Variants in B4GALT6 observed in about 807,000 individuals in gnomAD.
B4GALT6 encodes the protein beta-1,4-galactosyltransferase 6, also known as UDP-Gal:beta-GlcNAc beta-1,4-galactosyltransferase 6.
A neutral mutation model predicts 46.3 loss-of-function variants in B4GALT6; 14 were observed. The ratio of observed to expected loss-of-function variants is 0.30; its 90% confidence interval spans 0.20 to 0.47. B4GALT6 has a LOEUF of 0.47. B4GALT6 is among the 20% of genes least tolerant of loss of function. The pLI is 0.99. For synonymous variants in B4GALT6, 168 were observed against 162.0 expected (o/e 1.04, Z -0.28); for missense variants, 386 against 480.1 (o/e 0.80, Z 1.83).
At chr18:31,667,626 C>A (rs1207777426) in intron 1 of B4GALT6, among the ~76,000 whole-genome samples, 1 of 152,130 alleles carries the variant, frequency 6.6e-6, no homozygotes, top group Non-Finnish European at 1.5e-5. Flanking sequence ...TAAAACTTTT[C>A]TTTCACCTCC....
At position 31,625,661 on chromosome 18, in the gene B4GALT6, T is replaced by G. The variant is rs371220404; in HGVS notation, c.1102A>C (p.Ile368Leu). 68 of 1,613,596 alleles carry G rather than the reference T, an allele frequency of 4.2e-5. No homozygotes were observed. Among genetic ancestry groups the G allele is most frequent in the Non-Finnish European group, 5.6e-5 (66 of 1,179,820 alleles). ...AACTCTGGCATGAGGTTTACAGATA[T>G]GTTTGTATACAACCTATCAACCAGT... ...KILVDRLYTNISVNLMPELAP... is the reference protein window; with the variant it reads ...KILVDRLYTNLSVNLMPELAP... The change falls in exon 9 of 9, where the codon ATA becomes CTA. Residue 368 changes from isoleucine (I) to leucine (L), a missense_variant. Physicochemically the swap from Ile to Leu is conservative, Grantham distance 5. Around this residue, in one of 2 missense-constraint regions of B4GALT6, gnomAD observed 323 missense variants for 438.9 expected, o/e 0.74. Coordinates refer to ENST00000306851, the MANE Select transcript of B4GALT6 (RefSeq NM_004775.5).
chr18:31,718,017 A>G, the B4GALT6 span, among the ~76,000 whole-genome samples: 1 of 152,174 alleles, frequency 6.6e-6, no homozygotes, highest in Admixed American at 6.5e-5. Flanking sequence ...GGAGTCATGC[A>G]TAAATAAAGC....
intron 2 of B4GALT6, among the ~76,000 whole-genome samples, chr18:31,664,133 T>G (rs2074253941): frequency 6.8e-6 from 1 of 146,374 alleles, no homozygotes; most frequent in South Asian, 2.2e-4. Context: ...TGTTCTCGCT[T>G]TCCTCCTTCC....
rs536952429 is a variant in B4GALT6, at chr18:31,646,018, A to T, written c.347-539T>A. Among the ~76,000 whole-genome samples, 57 of 152,318 alleles carry T rather than the reference A, an allele frequency of 3.7e-4. 1 individual carries two copies. The South Asian group carries it at 0.011, about 29-fold the overall frequency. ...GATGTCTGCCTCCCAAGGTGGTTGTATCCATTCCAAGAAATCATCTGTGTG... is the reference window on the plus strand; with the variant it reads ...GATGTCTGCCTCCCAAGGTGGTTGTTTCCATTCCAAGAAATCATCTGTGTG... On this transcript the variant is annotated intron_variant, in intron 3 of 8. Transcript: ENST00000306851.
Position 31,666,256 on chromosome 18 carries a change from C to A in B4GALT6, c.232G>T (p.Asp78Tyr). 1.3e-6 allele frequency: 2 copies of A among 1,560,336 alleles called. No homozygotes were observed. Among genetic ancestry groups the A allele is most frequent in the Non-Finnish European group, 1.8e-6 (2 of 1,140,860 alleles). ...TNKNSTLNGT[D>Y]YPEGNNSSDY... is the part of the protein sequence containing the mutation. ...GGGGTTAAGCAGGAAGTAGTCTTACCTGTACCGTTGAGCGTACTGTTTTTA... is the reference window on the plus strand; with the variant it reads ...GGGGTTAAGCAGGAAGTAGTCTTACATGTACCGTTGAGCGTACTGTTTTTA... Residue 78 changes from aspartate to tyrosine, a missense_variant and splice_region_variant, in exon 2 of 9, where the codon GAT (aspartate) becomes TAT (tyrosine). Physicochemically the swap from Asp to Tyr is radical, Grantham distance 160 (BLOSUM62 -3). Coordinates refer to ENST00000306851, the MANE Select transcript of B4GALT6 (RefSeq NM_004775.5).
At chr18:31,677,135 A>G (rs1010637846) in intron 1 of B4GALT6, among the ~76,000 whole-genome samples, 4 of 152,254 alleles carry the variant, frequency 2.6e-5, no homozygotes, top group Non-Finnish European at 5.9e-5. Context: ...ATTAAACATA[A>G]AAACAAAGAT....
At chr18:31,631,832 C>T (rs1337529303) in intron 5 of B4GALT6, among the ~76,000 whole-genome samples, 1 of 152,000 alleles carries the variant, frequency 6.6e-6, no homozygotes, top group Non-Finnish European at 1.5e-5. Context: ...TACACAAAGC[C>T]CAACTTCCTT....
the B4GALT6 span, among the ~76,000 whole-genome samples, chr18:31,692,548 T>C: frequency 2.6e-5 from 1 of 37,764 alleles, no homozygotes; most frequent in Non-Finnish European, 7.5e-5. Flanking sequence ...ATTTCTGATA[T>C]TAAAACTTCA....
chr18:31,695,187 C>G, the B4GALT6 span, among the ~76,000 whole-genome samples: 1 of 151,212 alleles, frequency 6.6e-6, no homozygotes, highest in Non-Finnish European at 1.5e-5. Context: ...AAGTATTACA[C>G]GGGTAGCAGG....
At chr18:31,676,969 T>C (rs2074422014) in intron 1 of B4GALT6, among the ~76,000 whole-genome samples, 1 of 152,222 alleles carries the variant, frequency 6.6e-6, no homozygotes, top group African/African-American at 2.4e-5. Flanking sequence ...AGACCCTTCC[T>C]TCCAAATCAG....
At chr18:31,646,601 C>T (rs1275830222) in intron 3 of B4GALT6, among the ~76,000 whole-genome samples, 1 of 152,240 alleles carries the variant, frequency 6.6e-6, no homozygotes, top group Non-Finnish European at 1.5e-5. Context: ...CTGACCTCAT[C>T]TCATAAAATA....
At chr18:31,669,188 G>T (rs943842291) in intron 1 of B4GALT6, among the ~76,000 whole-genome samples, 5 of 152,112 alleles carry the variant, frequency 3.3e-5, no homozygotes, top group African/African-American at 1.2e-4. Context: ...GAGATTCAAA[G>T]TTTCATTGAG....
the B4GALT6 span, among the ~76,000 whole-genome samples, chr18:31,693,294 C>A: frequency 1.3e-5 from 2 of 152,104 alleles, no homozygotes; most frequent in Non-Finnish European, 2.9e-5. Context: ...CTTGTGTACA[C>A]CAGTACACAA....
chr18:31,626,452 A>AT, intron 7 of B4GALT6, 68 bp from the exon 8 acceptor site: 2 of 857,472 alleles, frequency 2.3e-6, no homozygotes, highest in South Asian at 3.9e-5. Context: ...TGTGAGTTCA[A>AT]TTTTAAAACA....
the B4GALT6 span, among the ~76,000 whole-genome samples, chr18:31,706,040 C>G: frequency 6.6e-6 from 1 of 152,104 alleles, no homozygotes; most frequent in East Asian, 1.9e-4. Context: ...TATATTTAGA[C>G]AGGTAGTTAT....
the B4GALT6 span, among the ~76,000 whole-genome samples, chr18:31,691,062 C>T: frequency 2.0e-5 from 3 of 151,768 alleles, no homozygotes; most frequent in Non-Finnish European, 2.9e-5. Context: ...ACCTAGATGA[C>T]GGGTTGATAG....
At chr18:31,724,348 G>C in the B4GALT6 span, 1 of 875,698 alleles carries the variant, frequency 1.1e-6, no homozygotes, top group East Asian at 7.0e-5. Flanking sequence ...TTAGCCTCTG[G>C]AGTGGGTCCA....
upstream of B4GALT6, among the ~76,000 whole-genome samples, chr18:31,684,917 T>G (rs2074528233): frequency 6.7e-6 from 1 of 148,844 alleles, no homozygotes; most frequent in Non-Finnish European, 1.5e-5. Flanking sequence ...GCCGCCCGCG[T>G]CCGCTCGGCA....
the B4GALT6 span, among the ~76,000 whole-genome samples, chr18:31,716,881 C>T: frequency 6.6e-6 from 1 of 152,172 alleles, no homozygotes; most frequent in Non-Finnish European, 1.5e-5. Flanking sequence ...AGGTGGATCA[C>T]TTGAGGTCAG....
Sources: gnomAD v4.1 joint callset for allele counts (sites outside exome capture counted in the v4.1 genomes callset) on GRCh38, gnomAD v4.1.1 for gene constraint, gnomAD v4.1.1 regional missense constraint, MANE v1.5 for transcripts, NCBI Gene and HGNC (gene_info 2026-07-23, HGNC 2026-07-21) for gene names.